FGD4: variants seen among roughly 807,000 people sequenced by gnomAD.
FGD4 encodes FYVE, RhoGEF and PH domain-containing protein 4.
A neutral mutation model predicts 102.0 loss-of-function variants in FGD4; 42 were observed. That is an observed-to-expected ratio of 0.41 (90% CI 0.32 to 0.53). The LOEUF (loss-of-function observed/expected upper bound fraction) is 0.53, where lower values mean the gene tolerates loss of function less well. Among genes scored for constraint, FGD4 ranks in the 20% least tolerant of loss-of-function variants. The pLI, the probability that FGD4 is intolerant of heterozygous loss-of-function variation, is 0.21. For synonymous variants in FGD4, 380 were observed against 375.7 expected (o/e 1.01, Z -0.13); for missense variants, 902 against 1,078.2 (o/e 0.84, Z 2.29).
chr12:32,444,021 C>CTTTTTTTT (rs67353121), intron 1 of FGD4, among the ~76,000 whole-genome samples: 6 of 119,120 alleles, frequency 5.0e-5, no homozygotes, highest in East Asian at 2.4e-4. Context: ...ACTTTGTTTT[C>CTTTTTTTT]TTTTTTTTTT....
chr12:32,473,604 C>T (rs996264982), intron 1 of FGD4, among the ~76,000 whole-genome samples: 1 of 152,132 alleles, frequency 6.6e-6, no homozygotes, highest in South Asian at 2.1e-4. Context: ...CGAGGGTCTG[C>T]GGCTTCATTC....
At chr12:32,487,654 G>A (rs797012228) in intron 1 of FGD4, among the ~76,000 whole-genome samples, 21 of 152,156 alleles carry the variant, frequency 1.4e-4, no homozygotes, top group African/African-American at 4.3e-4. Flanking sequence ...CTTGAACTCC[G>A]GACCTCAAGT....
chr12:32,414,915 C>G (rs1253890737), intron 1 of FGD4, among the ~76,000 whole-genome samples: 1 of 152,004 alleles, frequency 6.6e-6, no homozygotes, highest in Non-Finnish European at 1.5e-5. Context: ...GATGTAGGCC[C>G]TCATAGGTGT....
At chr12:32,630,705 A>G (rs1950451237) in intron 14 of FGD4, among the ~76,000 whole-genome samples, 1 of 151,740 alleles carries the variant, frequency 6.6e-6, no homozygotes, top group African/African-American at 2.4e-5. Context: ...AATCCCAGAT[A>G]CTCGGGAGGC....
At position 32,399,676 on chromosome 12, in the gene FGD4, A is replaced by C. The variant is rs1940564077; in HGVS notation, c.-118A>C. ...GAGGCACTCGCTGAGGAGACGCCGCAGTAGAGGGCGCCCCCGGAGTCGCGC... is the reference window on the plus strand; with the variant it reads ...GAGGCACTCGCTGAGGAGACGCCGCCGTAGAGGGCGCCCCCGGAGTCGCGC... On this transcript the variant is annotated 5_prime_UTR_variant, in exon 1 of 17. Transcript: ENST00000534526. 2 of 1,450,806 alleles carry C rather than the reference A, an allele frequency of 1.4e-6. No individual in the cohort carries two copies. The highest frequency in any genetic ancestry group is 2.5e-5 in the Admixed American group (1 of 39,236). 89.9% of individuals were successfully genotyped at this position (1,450,806 alleles called of 1,614,324 possible). A position where few individuals can be genotyped will look rare whatever the true frequency, so the allele number is the denominator to read the frequency against.
chr12:32,606,096 T>G (rs1468360897), intron 7 of FGD4, among the ~76,000 whole-genome samples: 7 of 152,236 alleles, frequency 4.6e-5, no homozygotes, highest in Admixed American at 4.6e-4. Context: ...AGCCACAGTT[T>G]CTTCATGTAA....
intron 1 of FGD4, among the ~76,000 whole-genome samples, chr12:32,430,027 G>T (rs1394509657): frequency 1.3e-5 from 2 of 152,158 alleles, no homozygotes; most frequent in African/African-American, 4.8e-5. Flanking sequence ...AAGATTCTGG[G>T]CTGGGCGCGC....
intron 2 of FGD4, among the ~76,000 whole-genome samples, chr12:32,574,011 C>A (rs140602666): frequency 5.2e-4 from 79 of 152,238 alleles, no homozygotes; most frequent in Non-Finnish European, 1.6e-4. Context: ...ATTATTTAAT[C>A]GTACTCATTA....
chr12:32,464,594 GAA>G (rs1196207707), intron 1 of FGD4, among the ~76,000 whole-genome samples: 3 of 152,168 alleles, frequency 2.0e-5, no homozygotes, highest in African/African-American at 7.2e-5. Flanking sequence ...AGAAGAATAA[GAA>G]TGGATAAAAT....
chr12:32,461,424 TAAGA>T (rs1490457433), intron 1 of FGD4, among the ~76,000 whole-genome samples: 1 of 152,194 alleles, frequency 6.6e-6, no homozygotes, highest in African/African-American at 2.4e-5. Flanking sequence ...CCACAATGCT[TAAGA>T]GGCTTTTACC....
chr12:32,473,374 C>T (rs1943483357), intron 1 of FGD4, among the ~76,000 whole-genome samples: 1 of 152,118 alleles, frequency 6.6e-6, no homozygotes, highest in Admixed American at 6.5e-5. Flanking sequence ...AGATCTGCAG[C>T]TTCACTCCTG....
At chr12:32,400,661 C>A (rs1448164190) in intron 1 of FGD4, among the ~76,000 whole-genome samples, 1 of 152,128 alleles carries the variant, frequency 6.6e-6, no homozygotes, top group Admixed American at 6.6e-5. Flanking sequence ...TCTCCCCAGG[C>A]GAGTTTGAAA....
intron 1 of FGD4, among the ~76,000 whole-genome samples, chr12:32,485,670 T>C (rs1040062091): frequency 6.6e-6 from 1 of 152,030 alleles, no homozygotes; most frequent in Middle Eastern, 3.2e-3. Context: ...GGTCTCGATT[T>C]CTTGACCTCG....
intron 1 of FGD4, among the ~76,000 whole-genome samples, chr12:32,530,953 T>TG (rs1941743950): frequency 7.7e-6 from 1 of 129,260 alleles, no homozygotes; most frequent in South Asian, 2.8e-4. Context: ...TTTTTTTTTT[T>TG]TTTTTTTTTT....
chr12:32,637,480 C>T (rs1950905319), intron 15 of FGD4, among the ~76,000 whole-genome samples: 1 of 151,772 alleles, frequency 6.6e-6, no homozygotes, highest in East Asian at 2.0e-4. Flanking sequence ...CCTGTAGTCC[C>T]AGTTACTCAG....
chr12:32,579,984 A>G (rs1031827073), intron 3 of FGD4, among the ~76,000 whole-genome samples: 1 of 152,210 alleles, frequency 6.6e-6, no homozygotes, highest in African/African-American at 2.4e-5. Flanking sequence ...CCTTGGGACC[A>G]GGCTGCTTGC....
chr12:32,555,824 C>G (rs1944062377), intron 1 of FGD4, among the ~76,000 whole-genome samples: 1 of 152,024 alleles, frequency 6.6e-6, no homozygotes. Context: ...CCTGCCTCAG[C>G]CTCCCAAAGT....
At chr12:32,471,419 G>T (rs914819058) in intron 1 of FGD4, among the ~76,000 whole-genome samples, 2 of 152,132 alleles carry the variant, frequency 1.3e-5, no homozygotes, top group Non-Finnish European at 2.9e-5. Flanking sequence ...CTGTAGAAAA[G>T]CCTCCTGAGA....
At position 32,564,307 on chromosome 12, in the gene FGD4, TTG is replaced by T; in HGVS notation, c.319+22_319+23del. ...GCCACAAGGTATGCTCACTGGGAGT[TTG>T]TGTTCGGGGTGGGTACGTTGTTGAT... On this transcript the variant is annotated intron_variant, in intron 2 of 16. Transcript: ENST00000534526. The T allele has an allele frequency of 2.0e-6, 3 of 1,534,516 alleles. No homozygotes were observed. Among genetic ancestry groups the T allele is most frequent in the Non-Finnish European group, 2.6e-6 (3 of 1,146,224 alleles).
Sources: allele counts gnomAD v4.1 joint callset (sites outside exome capture counted in the v4.1 genomes callset), GRCh38; gene constraint gnomAD v4.1.1; transcripts MANE v1.5; gene names NCBI Gene and HGNC (gene_info 2026-07-23, HGNC 2026-07-21).